The following MAGI2 variants were observed in gnomAD, a reference collection of about 807,000 sequenced individuals.
The protein encoded by MAGI2 is membrane-associated guanylate kinase, WW and PDZ domain-containing protein 2.
MAGI2 carries 35 observed loss-of-function variants against 133.3 expected under a neutral mutation model. The observed-to-expected ratio is 0.26, with a 90% CI of 0.20 to 0.35. MAGI2 has a LOEUF of 0.35. MAGI2 is among the 10% of genes least tolerant of loss of function. The pLI is 1.00. For synonymous variants in MAGI2, 729 were observed against 710.6 expected (o/e 1.03, Z -0.41); for missense variants, 1,636 against 1,863.4 (o/e 0.88, Z 2.25).
chr7:78,730,090 T>C (rs918639284), intron 2 of MAGI2, among the ~76,000 whole-genome samples: 1 of 152,124 alleles, frequency 6.6e-6, no homozygotes, highest in Non-Finnish European at 1.5e-5. Flanking sequence ...AATTACAAGA[T>C]AAGCATAGAA....
intron 5 of MAGI2, among the ~76,000 whole-genome samples, chr7:78,495,611 G>T (rs1406275736): frequency 2.0e-5 from 3 of 152,114 alleles, no homozygotes. Context: ...GTTTCACTAT[G>T]TTTTTCTATC....
intron 1 of MAGI2, among the ~76,000 whole-genome samples, chr7:79,315,870 T>C (rs1284052453): frequency 6.6e-5 from 10 of 152,018 alleles, no homozygotes; most frequent in Non-Finnish European, 1.2e-4. Flanking sequence ...GCAAAAGATA[T>C]GTAGTAGAGT....
chr7:78,252,581 AC>A (rs1792517886), intron 10 of MAGI2: 1 of 152,080 alleles, frequency 6.6e-6, no homozygotes, highest in African/African-American at 2.4e-5. Flanking sequence ...AGAAGAAAAC[AC>A]AAGAAATCTC....
At chr7:78,061,452 A>T (rs1813262457) in intron 21 of MAGI2, among the ~76,000 whole-genome samples, 1 of 139,788 alleles carries the variant, frequency 7.2e-6, no homozygotes, top group South Asian at 2.4e-4. Context: ...ACACACACAC[A>T]CACACGAGTG....
At position 78,551,917 on chromosome 7, in the gene MAGI2, G is replaced by A. The variant is rs184559203; in HGVS notation, c.539-30272C>T. On this transcript the variant is annotated intron_variant, in intron 3 of 21. Coordinates refer to ENST00000354212, the MANE Select transcript of MAGI2 (RefSeq NM_012301.4). ...GCGCCACCACGCCCAGCTAATTTTT[G>A]TATTTTTTGTAAAGACAAAGTTTTG... Among the ~76,000 whole-genome samples, 25 of 152,152 alleles carry A rather than the reference G, an allele frequency of 1.6e-4. No homozygotes were observed. The East Asian group carries it at 4.9e-3, about 30-fold the overall frequency.
At chr7:79,041,616 AC>A (rs1354612728) in intron 1 of MAGI2, among the ~76,000 whole-genome samples, 2 of 152,122 alleles carry the variant, frequency 1.3e-5, no homozygotes, top group African/African-American at 4.8e-5. Context: ...GAGAAATGCT[AC>A]TTTTAAATAT....
At chr7:78,060,175 C>T (rs1480052989) in intron 21 of MAGI2, among the ~76,000 whole-genome samples, 1 of 150,998 alleles carries the variant, frequency 6.6e-6, no homozygotes, top group African/African-American at 2.4e-5. Flanking sequence ...TTCCACTCAA[C>T]AATTAACACA....
intron 10 of MAGI2, among the ~76,000 whole-genome samples, chr7:78,225,569 C>T (rs936337133): frequency 1.3e-5 from 2 of 152,166 alleles, no homozygotes; most frequent in Non-Finnish European, 2.9e-5. Context: ...TGAGCACTTA[C>T]TATGTATCTG....
chr7:78,939,287 C>G (rs1202935513), intron 2 of MAGI2, among the ~76,000 whole-genome samples: 1 of 152,148 alleles, frequency 6.6e-6, no homozygotes, highest in Non-Finnish European at 1.5e-5. Flanking sequence ...AGCCACTGCG[C>G]CTGGCCATAA....
chr7:78,692,564 A>AG (rs996930424), intron 2 of MAGI2, among the ~76,000 whole-genome samples: 4 of 152,222 alleles, frequency 2.6e-5, no homozygotes, highest in African/African-American at 9.6e-5. Context: ...GGGAGAAGTC[A>AG]GGGTTCTGGT....
intron 20 of MAGI2, among the ~76,000 whole-genome samples, chr7:78,106,009 G>C (rs1460195279): frequency 3.3e-5 from 5 of 151,072 alleles, no homozygotes; most frequent in Non-Finnish European, 7.4e-5. Flanking sequence ...TCCCCCTTCT[G>C]CCTGCTTCAC....
chr7:79,397,989 T>C (rs553276193), intron 1 of MAGI2, among the ~76,000 whole-genome samples: 2 of 152,332 alleles, frequency 1.3e-5, no homozygotes, highest in Admixed American at 1.3e-4. Flanking sequence ...TGTTCTTCTC[T>C]AATGTAAGAT....
In MAGI2 at chr7:79,077,590, A is replaced by T. The variant is rs200511950; in HGVS notation, c.302-70384T>A. On this transcript the variant is annotated intron_variant, in intron 1 of 21. Coordinates refer to ENST00000354212, the MANE Select transcript of MAGI2 (RefSeq NM_012301.4). ...ACTGCCTCTCAAAAAAAAAAAAAAA[A>T]AAAAATAAATAAATAAATAAATTCC... Among the ~76,000 whole-genome samples the T allele has an allele frequency of 1.0e-3, 138 of 136,020 alleles. 11 individuals carry two copies. The highest frequency in any genetic ancestry group is 7.5e-3 in the South Asian group (32 of 4,294). The allele number at this position is 136,020 out of a possible 152,430, so 89.2% of individuals were successfully genotyped here.
At chr7:79,028,237 A>ATG (rs1179208073) in intron 1 of MAGI2, among the ~76,000 whole-genome samples, 9 of 28,674 alleles carry the variant, frequency 3.1e-4, no homozygotes, top group South Asian at 1.1e-3. Flanking sequence ...ATATGTATGT[A>ATG]TATATATATA....
At chr7:79,089,756 C>T (rs1390399811) in intron 1 of MAGI2, among the ~76,000 whole-genome samples, 1 of 152,096 alleles carries the variant, frequency 6.6e-6, no homozygotes, top group East Asian at 1.9e-4. Flanking sequence ...GAAAAACAAC[C>T]ACTCCATGTT....
intron 16 of MAGI2, among the ~76,000 whole-genome samples, chr7:78,156,103 G>T (rs1180664357): frequency 6.6e-6 from 1 of 152,184 alleles, no homozygotes; most frequent in Non-Finnish European, 1.5e-5. Flanking sequence ...GAATTTCGAT[G>T]ATTTCCATTA....
rs1027876292 is a variant in MAGI2, at chr7:78,655,998, GA to G, written c.419-28760del. Among the ~76,000 whole-genome samples the G allele has an allele frequency of 1.6e-3, 194 of 125,150 alleles. 3 individuals carry two copies. The highest frequency in any genetic ancestry group is 5.4e-3 in the African/African-American group (187 of 34,538). 82.1% of individuals were successfully genotyped at this position (125,150 alleles called of 152,430 possible). On this transcript the variant is annotated intron_variant, in intron 2 of 21. Transcript: ENST00000354212. ...TCCGTCTCAAAAAAAAAAAAAAAAA[GA>G]AAAAGAAAAGAGGTTTGAAAAAATT...
chr7:79,182,880 G>A (rs1826742627), intron 1 of MAGI2, among the ~76,000 whole-genome samples: 1 of 151,864 alleles, frequency 6.6e-6, no homozygotes, highest in South Asian at 2.1e-4. Context: ...TAAAATGAAT[G>A]AAATCATGTC....
chr7:78,220,720 T>G (rs986216440), intron 10 of MAGI2, among the ~76,000 whole-genome samples: 1 of 152,178 alleles, frequency 6.6e-6, no homozygotes, highest in African/African-American at 2.4e-5. Flanking sequence ...GAGCAAACAT[T>G]TGCCCAAACG....
Sources: gnomAD v4.1 joint callset for allele counts (sites outside exome capture counted in the v4.1 genomes callset) on GRCh38, gnomAD v4.1.1 for gene constraint, MANE v1.5 for transcripts, NCBI Gene and HGNC (gene_info 2026-07-23, HGNC 2026-07-21) for gene names.